The following ABCC5 variants were observed in gnomAD, a reference collection of about 807,000 sequenced individuals.
The protein encoded by ABCC5 is ATP binding cassette subfamily C member 5.
A neutral mutation model predicts 160.9 loss-of-function variants in ABCC5; 61 were observed. That is an observed-to-expected ratio of 0.38 (90% CI 0.31 to 0.47). The LOEUF (loss-of-function observed/expected upper bound fraction) is 0.47, where lower values mean the gene tolerates loss of function less well. Among genes scored for constraint, ABCC5 ranks in the 20% least tolerant of loss-of-function variants. ABCC5 has a pLI of 0.99. For missense variants in ABCC5, 1,308 were observed against 1,813.3 expected (o/e 0.72, Z 5.06); for synonymous variants, 666 against 700.6 (o/e 0.95, Z 0.78).
At position 183,987,472 on chromosome 3, in the gene ABCC5, C is replaced by A. The variant is rs143568994; in HGVS notation, c.591+298G>T. 144 of 598,572 alleles carry A rather than the reference C, an allele frequency of 2.4e-4. No homozygotes were observed. The African/African-American group carries it at 2.6e-3, about 11-fold the overall frequency. The allele number at this position is 598,572 out of a possible 1,614,324, so 37.1% of individuals were successfully genotyped here. A position where few individuals can be genotyped will look rare whatever the true frequency, so the allele number is the denominator to read the frequency against. ...CACTGCAAGACACATCTGCCTGCAC[C>A]GACTGTCAGTTCATGTTAACACACA... On this transcript the variant is annotated intron_variant, in intron 5 of 29. Coordinates refer to ENST00000334444, the MANE Select transcript of ABCC5 (RefSeq NM_005688.4). The surrounding 1 kb of genome is among the most constrained non-coding windows in gnomAD (Gnocchi z 4.2).
chr3:184,001,243 ACT>A (rs1328208922), intron 2 of ABCC5: 3 of 535,034 alleles, frequency 5.6e-6, no homozygotes, highest in Non-Finnish European at 6.7e-6. Context: ...ACAGAGTGAG[ACT>A]CTGACTCTAA....
intron 2 of ABCC5, among the ~76,000 whole-genome samples, chr3:184,005,306 G>A (rs1449405880): frequency 6.6e-6 from 1 of 152,066 alleles, no homozygotes; most frequent in Non-Finnish European, 1.5e-5. Context: ...AGCAGGCTTT[G>A]GTAAGTGGAA....
rs1719317644 is a variant in ABCC5, at chr3:183,987,415, G to A, written c.591+355C>T. 1.6e-5 allele frequency: 8 copies of A among 508,270 alleles called. No homozygotes were observed. Among genetic ancestry groups the A allele is most frequent in the South Asian group, 3.2e-5 (1 of 31,628 alleles). The allele number at this position is 508,270 out of a possible 1,614,324, so 31.5% of individuals were successfully genotyped here. A position where few individuals can be genotyped will look rare whatever the true frequency, so the allele number is the denominator to read the frequency against. On this transcript the variant is annotated intron_variant, in intron 5 of 29. Coordinates refer to ENST00000334444, the MANE Select transcript of ABCC5 (RefSeq NM_005688.4). This position sits in a 1 kb window ranked among gnomAD's most constrained non-coding sequence, Gnocchi z 4.2. ...GTTCCCGGTGCTGGCTCACCAGCCC[G>A]GGCCACACAACGTGCTCTCACCCAC...
chr3:183,991,274 G>A (rs559482946), intron 2 of ABCC5, among the ~76,000 whole-genome samples: 1 of 151,536 alleles, frequency 6.6e-6, no homozygotes, highest in South Asian at 2.1e-4. Context: ...TCCAGCCTGG[G>A]TGACAGAGCA....
At position 183,950,007 on chromosome 3, in the gene ABCC5, A is replaced by G. The variant is rs773530520; in HGVS notation, c.3063T>C (p.Leu1021=). Reference sequence around the variant, plus strand: ...TGTGCAGGACTGAAAAGAGGATGACAAGGGGCCCCACTGCCACAAGGAACC... The same window carrying G: ...TGTGCAGGACTGAAAAGAGGATGACGAGGGGCCCCACTGCCACAAGGAACC... ...FPWFLVAVGP[L]VILFSVLHIV... is the part of the protein sequence containing the mutation. Residue 1021 remains leucine, a synonymous_variant, in exon 21 of 30, where the codon CTT becomes CTC. Coordinates refer to ENST00000334444, the MANE Select transcript of ABCC5 (RefSeq NM_005688.4). 6.2e-7 allele frequency: 1 copy of G among 1,614,132 alleles called. No homozygotes were observed. The highest frequency in any genetic ancestry group is 8.5e-7 in the Non-Finnish European group (1 of 1,180,024).
At chr3:183,978,321 TTTTG>T (rs1269650144) in intron 9 of ABCC5, among the ~76,000 whole-genome samples, 178 bp downstream of exon 9, 6 of 151,888 alleles carry the variant, frequency 4.0e-5, no homozygotes, top group Non-Finnish European at 7.4e-5. Flanking sequence ...GGTATTTTTT[TTTTG>T]TTTGTTTGTT....
intron 2 of ABCC5, among the ~76,000 whole-genome samples, chr3:183,991,301 A>G (rs1187877729): frequency 1.6e-5 from 2 of 126,282 alleles, no homozygotes; most frequent in Non-Finnish European, 3.4e-5. Flanking sequence ...TGTCTCTAAA[A>G]GAAGGAAAAA....
chr3:183,963,732 G>T lies in ABCC5; in HGVS notation c.2032-144C>A. On this transcript the variant is annotated intron_variant, in intron 14 of 29. Coordinates refer to ENST00000334444, the MANE Select transcript of ABCC5 (RefSeq NM_005688.4). The surrounding 1 kb of genome is among the most constrained non-coding windows in gnomAD (Gnocchi z 4.6). Reference sequence around the variant, plus strand: ...AGATGAACTGCCATGCTGATTCCCCGCAGATGAACTGCCATGCTGATCCTT... The same window carrying T: ...AGATGAACTGCCATGCTGATTCCCCTCAGATGAACTGCCATGCTGATCCTT... 1 of 744,838 alleles carries T rather than the reference G, an allele frequency of 1.3e-6. No individual in the cohort carries two copies. Among genetic ancestry groups the T allele is most frequent in the Non-Finnish European group, 2.1e-6 (1 of 483,792 alleles). The allele number at this position is 744,838 out of a possible 1,614,324, so 46.1% of individuals were successfully genotyped here. A position where few individuals can be genotyped will look rare whatever the true frequency, so the allele number is the denominator to read the frequency against.
chr3:183,950,128 G>A lies in ABCC5; in HGVS notation c.2945-3C>T, dbSNP rs1715205558. 2 of 1,609,574 alleles carry A rather than the reference G, an allele frequency of 1.2e-6. No homozygotes were observed. The highest frequency in any genetic ancestry group is 2.7e-5 in the African/African-American group (2 of 74,588). The stretch of plus-strand genomic sequence containing the variant: ...CTGGAACGGCAGCCGCACGTCAACT[G>A]TGGAAACAAATAAAGGAGCAAGTGT... On this transcript the variant is annotated splice_polypyrimidine_tract_variant and splice_region_variant and intron_variant, in intron 20 of 29. Coordinates refer to ENST00000334444, the MANE Select transcript of ABCC5 (RefSeq NM_005688.4).
intron 2 of ABCC5, among the ~76,000 whole-genome samples, chr3:184,006,638 A>T (rs891379659): frequency 2.0e-5 from 3 of 152,162 alleles, no homozygotes; most frequent in Admixed American, 6.5e-5. Flanking sequence ...TTTTTCTACA[A>T]CTTTACACAC....
chr3:183,925,128 T>C (rs910107386), intron 29 of ABCC5, among the ~76,000 whole-genome samples: 15 of 152,208 alleles, frequency 9.9e-5, no homozygotes, highest in Non-Finnish European at 4.4e-5. Context: ...CTGGCTGGTC[T>C]CAGTAGGCCT....
chr3:183,995,412 A>C (rs1338260826), intron 2 of ABCC5, among the ~76,000 whole-genome samples: 2 of 152,196 alleles, frequency 1.3e-5, no homozygotes, highest in Admixed American at 6.5e-5. Flanking sequence ...AAAGCTTTAT[A>C]GTTTTACATT....
chr3:183,970,380 G>C (rs1456284133), intron 11 of ABCC5, among the ~76,000 whole-genome samples: 8 of 150,906 alleles, frequency 5.3e-5, no homozygotes, highest in Non-Finnish European at 7.4e-5. Context: ...CCCTCAGGCA[G>C]CCTATTCAAG....
intron 29 of ABCC5, among the ~76,000 whole-genome samples, chr3:183,924,160 A>G (rs1712291209): frequency 6.6e-6 from 1 of 152,050 alleles, no homozygotes; most frequent in South Asian, 2.1e-4. Context: ...CTGGGATTAC[A>G]GGTGTGTGCC....
At chr3:183,932,814 T>C (rs1011042128) in intron 26 of ABCC5, among the ~76,000 whole-genome samples, 3 of 152,154 alleles carry the variant, frequency 2.0e-5, no homozygotes, top group Admixed American at 6.6e-5. Flanking sequence ...AAATAAAATA[T>C]GCATAACAAT....
At chr3:183,944,373 T>TGAC (rs1714644466) in intron 24 of ABCC5, among the ~76,000 whole-genome samples, 1 of 151,118 alleles carries the variant, frequency 6.6e-6, no homozygotes, top group Non-Finnish European at 1.5e-5. Context: ...CAAGCCTGGG[T>TGAC]GACAATAAGA....
chr3:183,978,717 C>T (rs1452986554), intron 8 of ABCC5, 66 bp from the exon 9 acceptor site: 1 of 1,562,834 alleles, frequency 6.4e-7, no homozygotes, highest in African/African-American at 1.4e-5. Flanking sequence ...TGTTCCTCCA[C>T]CTCCAAACAA....
intron 8 of ABCC5, among the ~76,000 whole-genome samples, chr3:183,979,217 C>T (rs745688952): frequency 1.3e-4 from 20 of 152,150 alleles, no homozygotes; most frequent in Middle Eastern, 6.8e-3. Context: ...TGGTAGTACA[C>T]GCCTATGATC....
chr3:183,951,867 A>C lies in ABCC5; in HGVS notation c.2804T>G (p.Val935Gly). Reference protein sequence around the residue: ...MLILKAIRGVVFVKGTLRASS... With the variant: ...MLILKAIRGVGFVKGTLRASS... ...CCCACCAATGCATACCTTGACAAAG[A>C]CAACTCCTCGAATGGCTTTCAGGAT... Residue 935 changes from valine to glycine, a missense_variant, in exon 19 of 30, where the codon GTC becomes GGC. Coordinates refer to ENST00000334444, the MANE Select transcript of ABCC5 (RefSeq NM_005688.4). This position sits in a 1 kb window ranked among gnomAD's most constrained non-coding sequence, Gnocchi z 4.7. The C allele has an allele frequency of 6.2e-7, 1 of 1,613,638 alleles. No homozygotes were observed.
Sources: gnomAD v4.1 joint callset for allele counts (sites outside exome capture counted in the v4.1 genomes callset) on GRCh38, gnomAD v4.1.1 for gene constraint, Gnocchi (gnomAD v3.1) non-coding constraint, MANE v1.5 for transcripts, NCBI Gene and HGNC (gene_info 2026-07-23, HGNC 2026-07-21) for gene names.